IMMP2L: variants seen among roughly 807,000 people sequenced by gnomAD.
IMMP2L encodes mitochondrial inner membrane protease subunit 2.
Under a neutral mutation model 19.3 loss-of-function variants are expected in IMMP2L, and 18 were observed. The ratio of observed to expected loss-of-function variants is 0.93; its 90% CI spans 0.64 to 1.38. The LOEUF (loss-of-function observed/expected upper bound fraction) is 1.38, where lower values mean the gene tolerates loss of function less well. IMMP2L is among the 40% of genes most tolerant of loss of function. The pLI, the probability that IMMP2L is intolerant of heterozygous loss-of-function variation, is 0.00. For synonymous variants in IMMP2L, 76 were observed against 73.0 expected, an observed-to-expected ratio of 1.04 and a Z score of -0.21; for missense variants, 233 against 218.2, an observed-to-expected ratio of 1.07 and a Z score of -0.43.
At chr7:110,937,488 G>A (rs1023901230) in intron 4 of IMMP2L, among the ~76,000 whole-genome samples, 1 of 152,134 alleles carries the variant, frequency 6.6e-6, no homozygotes, top group African/African-American at 2.4e-5. Flanking sequence ...AGCTTAGGCG[G>A]GATTCACACT....
Position 111,127,903 on chromosome 7 carries a change from T to C in IMMP2L, c.240-164338A>G, listed in dbSNP as rs560357746. Among the ~76,000 whole-genome samples, 3 of 152,216 alleles carry C rather than the reference T, an allele frequency of 2.0e-5. No homozygotes were observed. The East Asian group carries it at 5.8e-4, about 29-fold the overall frequency. On this transcript the variant is annotated intron_variant, in intron 3 of 5. Transcript: ENST00000405709. Reference sequence around the variant, plus strand: ...CTAACAATAAGCATACCCAATTGAATACAAAAATATATAAAAACAGTGCAA... The same window carrying C: ...CTAACAATAAGCATACCCAATTGAACACAAAAATATATAAAAACAGTGCAA...
At chr7:111,263,921 C>A (rs144615826) in intron 3 of IMMP2L, among the ~76,000 whole-genome samples, 1 of 152,252 alleles carries the variant, frequency 6.6e-6, no homozygotes, top group African/African-American at 2.4e-5. Context: ...GATTTTGCAA[C>A]ATGCAGGTTG....
At chr7:110,669,217 C>A (rs1281872565) in intron 5 of IMMP2L, among the ~76,000 whole-genome samples, 2 of 151,820 alleles carry the variant, frequency 1.3e-5, no homozygotes, top group Admixed American at 1.3e-4. Flanking sequence ...GACTGGAGAC[C>A]CAGGAAAAAG....
At chr7:111,519,051 T>A (rs1010243500) in intron 2 of IMMP2L, among the ~76,000 whole-genome samples, 1 of 152,144 alleles carries the variant, frequency 6.6e-6, no homozygotes. Flanking sequence ...AAAGTTGATC[T>A]GTATAGTTGT....
At chr7:111,260,343 G>A (rs916684234) in intron 3 of IMMP2L, among the ~76,000 whole-genome samples, 3 of 152,016 alleles carry the variant, frequency 2.0e-5, no homozygotes, top group Non-Finnish European at 2.9e-5. Context: ...TTAATCTTAC[G>A]GGACCACCAT....
intron 3 of IMMP2L, among the ~76,000 whole-genome samples, chr7:111,031,162 A>G (rs1321172093): frequency 6.6e-6 from 1 of 151,942 alleles, no homozygotes; most frequent in Non-Finnish European, 1.5e-5. Context: ...TTAGTAATCT[A>G]TGCTTGTATT....
intron 3 of IMMP2L, among the ~76,000 whole-genome samples, chr7:111,054,432 T>G (rs1350511053): frequency 6.6e-6 from 1 of 152,150 alleles, no homozygotes; most frequent in Non-Finnish European, 1.5e-5. Context: ...ATTAAACCAT[T>G]TGCAGTCTTT....
At chr7:110,784,268 C>T (rs1799928180) in intron 5 of IMMP2L, among the ~76,000 whole-genome samples, 1 of 151,896 alleles carries the variant, frequency 6.6e-6, no homozygotes, top group Non-Finnish European at 1.5e-5. Flanking sequence ...CATCTGTCTG[C>T]ATGGTCTCAA....
chr7:111,313,370 G>C (rs1215142796), intron 3 of IMMP2L, among the ~76,000 whole-genome samples: 1 of 152,050 alleles, frequency 6.6e-6, no homozygotes, highest in African/African-American at 2.4e-5. Flanking sequence ...TTATATCTTT[G>C]CAGTAGAGTG....
intron 3 of IMMP2L, among the ~76,000 whole-genome samples, chr7:111,347,152 GGAA>G (rs1283219638): frequency 1.3e-5 from 2 of 152,048 alleles, no homozygotes; most frequent in African/African-American, 4.8e-5. Flanking sequence ...GCTGGCTTGA[GGAA>G]GAAGAATTTT....
chr7:111,143,041 C>T (rs1803103954), intron 3 of IMMP2L, among the ~76,000 whole-genome samples: 1 of 151,890 alleles, frequency 6.6e-6, no homozygotes, highest in Non-Finnish European at 1.5e-5. Context: ...TTTGTGTGTG[C>T]TCCAATCAAT....
chr7:111,047,835 T>C (rs1216457885), intron 3 of IMMP2L, among the ~76,000 whole-genome samples: 2 of 152,178 alleles, frequency 1.3e-5, no homozygotes, highest in Admixed American at 6.5e-5. Flanking sequence ...CAAAACAAGA[T>C]ACATGTGCAT....
chr7:111,435,759 C>G (rs960232664), intron 3 of IMMP2L, among the ~76,000 whole-genome samples: 1 of 151,864 alleles, frequency 6.6e-6, no homozygotes, highest in Admixed American at 6.6e-5. Flanking sequence ...ATTATAGAAG[C>G]AGCCAGCCAA....
At chr7:111,096,653 T>C (rs1027472982) in intron 3 of IMMP2L, among the ~76,000 whole-genome samples, 5 of 151,794 alleles carry the variant, frequency 3.3e-5, no homozygotes, top group Non-Finnish European at 7.4e-5. Context: ...TCTCAAAAAC[T>C]GGAAAAAATG....
intron 5 of IMMP2L, among the ~76,000 whole-genome samples, chr7:110,750,037 T>G (rs1410915132): frequency 6.6e-6 from 1 of 152,094 alleles, no homozygotes; most frequent in African/African-American, 2.4e-5. Flanking sequence ...AATATGTCAC[T>G]AAAATAAAAA....
At chr7:110,942,005 A>T (rs1006014710) in intron 4 of IMMP2L, among the ~76,000 whole-genome samples, 5 of 151,968 alleles carry the variant, frequency 3.3e-5, no homozygotes, top group African/African-American at 1.2e-4. Context: ...AAAAAACACA[A>T]CTGAATATTA....
intron 3 of IMMP2L, among the ~76,000 whole-genome samples, chr7:111,021,423 G>C (rs1403393205): frequency 3.9e-5 from 6 of 152,280 alleles, no homozygotes; most frequent in African/African-American, 1.4e-4. Flanking sequence ...GCTAATAAAG[G>C]CATATCCGAG....
chr7:111,212,762 AAAG>A (rs1210259798), intron 3 of IMMP2L, among the ~76,000 whole-genome samples: 8 of 152,256 alleles, frequency 5.3e-5, no homozygotes, highest in Non-Finnish European at 7.3e-5. Context: ...TCTGGTTGAA[AAAG>A]AAGAGCAATT....
intron 5 of IMMP2L, among the ~76,000 whole-genome samples, chr7:110,765,479 T>C (rs1367419901): frequency 6.6e-6 from 1 of 152,018 alleles, no homozygotes; most frequent in Non-Finnish European, 1.5e-5. Flanking sequence ...CTGAAGAGAA[T>C]CATCAATGTT....
Sources: gnomAD v4.1 joint callset for allele counts (sites outside exome capture counted in the v4.1 genomes callset) on GRCh38, gnomAD v4.1.1 for gene constraint, MANE v1.5 for transcripts, NCBI Gene and HGNC (gene_info 2026-07-23, HGNC 2026-07-21) for gene names.